Variants in SAMMSON observed in about 807,000 individuals in gnomAD.
SAMMSON encodes survival associated mitochondrial melanoma specific oncogenic non-coding RNA.
At chr3:70,187,332 C>T (rs1434046732) in intron 4 of SAMMSON, among the ~76,000 whole-genome samples, 3 of 149,182 alleles carry the variant, frequency 2.0e-5, no homozygotes, top group Non-Finnish European at 4.4e-5. Context: ...TTATCCAGGG[C>T]TTGGTGTTGC....
intron 3 of SAMMSON, among the ~76,000 whole-genome samples, chr3:70,024,320 A>T (rs553229519): frequency 1.3e-5 from 2 of 152,334 alleles, no homozygotes; most frequent in African/African-American, 4.8e-5. Flanking sequence ...GTTTTTACAA[A>T]TCCACTTCTT....
At chr3:70,059,622 G>T (rs1486401758) in intron 3 of SAMMSON, among the ~76,000 whole-genome samples, 1 of 152,104 alleles carries the variant, frequency 6.6e-6, no homozygotes, top group African/African-American at 2.4e-5. Flanking sequence ...CAGGCCCTCA[G>T]TGGATTGGAT....
chr3:70,340,538 A>G lies in SAMMSON; in HGVS notation n.740-13637A>G, dbSNP rs147709517. ...TGTACCTAAATTGTTGGGACAAACA[A>G]TATGATTTATGCTGTATGCCTGCCT... On this transcript the variant is annotated intron_variant and non_coding_transcript_variant, in intron 7 of 9. Transcript: ENST00000642114. Among the ~76,000 whole-genome samples the G allele has an allele frequency of 1.5e-4, 23 of 152,204 alleles. 1 individual carries two copies. The highest frequency in any genetic ancestry group is 4.8e-4 in the African/African-American group (20 of 41,542).
chr3:70,203,881 T>C (rs1032905978), intron 4 of SAMMSON, among the ~76,000 whole-genome samples: 3 of 152,098 alleles, frequency 2.0e-5, no homozygotes, highest in Non-Finnish European at 2.9e-5. Context: ...AATCAGAAGT[T>C]TGCAGAAACA....
chr3:70,015,580 T>C (rs552719266), intron 3 of SAMMSON, among the ~76,000 whole-genome samples: 22 of 152,244 alleles, frequency 1.4e-4, no homozygotes, highest in Middle Eastern at 3.4e-3. Context: ...CTTTGTTTAT[T>C]ATACTTTAAG....
intron 6 of SAMMSON, among the ~76,000 whole-genome samples, chr3:70,256,161 CTT>C (rs1701814091): frequency 6.6e-6 from 1 of 152,160 alleles, no homozygotes; most frequent in South Asian, 2.1e-4. Context: ...ACGAATGACT[CTT>C]TAAGATGGAT....
chr3:70,073,922 A>G (rs185283286), intron 4 of SAMMSON, among the ~76,000 whole-genome samples: 1 of 152,062 alleles, frequency 6.6e-6, no homozygotes, highest in African/African-American at 2.4e-5. Flanking sequence ...TTAGGAATTT[A>G]TAGGAATTTT....
intron 2 of SAMMSON, among the ~76,000 whole-genome samples, chr3:70,424,306 A>G (rs1216310966): frequency 1.3e-5 from 2 of 152,310 alleles, no homozygotes; most frequent in East Asian, 1.9e-4. Flanking sequence ...AATATATTAT[A>G]TTGGGGTTAT....
chr3:70,376,873 T>C (rs917263377), intron 9 of SAMMSON, among the ~76,000 whole-genome samples: 4 of 152,194 alleles, frequency 2.6e-5, no homozygotes, highest in East Asian at 1.9e-4. Flanking sequence ...CATATCATTT[T>C]ATTTCTTTGT....
At chr3:70,279,536 G>A (rs1317240007) in intron 6 of SAMMSON, among the ~76,000 whole-genome samples, 1 of 152,136 alleles carries the variant, frequency 6.6e-6, no homozygotes, top group African/African-American at 2.4e-5. Context: ...CTTGCCAAAT[G>A]TGTCACCCCA....
intron 4 of SAMMSON, among the ~76,000 whole-genome samples, chr3:70,133,867 C>G (rs1453640134): frequency 1.3e-5 from 2 of 151,954 alleles, no homozygotes; most frequent in Non-Finnish European, 2.9e-5. Context: ...GGTAAGAATC[C>G]AGGCTTTGGG....
At position 70,353,956 on chromosome 3, in the gene SAMMSON, T is replaced by C. The variant is rs534802432; in HGVS notation, n.740-219T>C. On this transcript the variant is annotated intron_variant and non_coding_transcript_variant, in intron 7 of 9. Transcript: ENST00000642114. ...AGGGATAAAAGCCAATTTGAAAGGT[T>C]ATCTACTATGTGACTCCATGGATAT... Among the ~76,000 whole-genome samples the C allele has an allele frequency of 2.4e-4, 36 of 152,316 alleles. No individual in the cohort carries two copies. In the South Asian group the frequency reaches 5.6e-3, roughly 24 times the overall value.
intron 6 of SAMMSON, among the ~76,000 whole-genome samples, chr3:70,285,539 G>T (rs1166863556): frequency 2.6e-5 from 4 of 152,062 alleles, no homozygotes; most frequent in East Asian, 1.9e-4. Context: ...TGTCTTTATA[G>T]CAGCATGATT....
At chr3:70,049,085 C>G (rs980640532) in intron 3 of SAMMSON, among the ~76,000 whole-genome samples, 1 of 152,106 alleles carries the variant, frequency 6.6e-6, no homozygotes, top group African/African-American at 2.4e-5. Flanking sequence ...AGAGACATAA[C>G]TCATTTGTTC....
intron 4 of SAMMSON, among the ~76,000 whole-genome samples, chr3:70,218,575 A>G (rs144792420): frequency 1.3e-5 from 2 of 152,224 alleles, no homozygotes; most frequent in Non-Finnish European, 2.9e-5. Context: ...TGGCCTGAGT[A>G]GACTTTTCCT....
chr3:70,015,374 A>C (rs1425641613), intron 3 of SAMMSON: 1 of 152,094 alleles, frequency 6.6e-6, no homozygotes, highest in Non-Finnish European at 1.5e-5. Context: ...TTTTAAAAAA[A>C]GTACTGGATG....
At chr3:70,390,597 C>T (rs1701037161), downstream of SAMMSON, among the ~76,000 whole-genome samples, 1 of 151,928 alleles carries the variant, frequency 6.6e-6, no homozygotes, top group Non-Finnish European at 1.5e-5. Flanking sequence ...ATTTAAATGA[C>T]CAGATCTTGT....
chr3:70,269,685 AT>A (rs1701956181), intron 6 of SAMMSON, among the ~76,000 whole-genome samples: 1 of 152,186 alleles, frequency 6.6e-6, no homozygotes, highest in Non-Finnish European at 1.5e-5. Flanking sequence ...TGTACTAGCT[AT>A]ATTTAATATA....
Position 70,325,849 on chromosome 3 carries a change from G to T in SAMMSON, n.740-28326G>T, listed in dbSNP as rs187982865. Among the ~76,000 whole-genome samples, 656 of 152,190 alleles carry T rather than the reference G, an allele frequency of 4.3e-3. 4 individuals carry two copies. The highest frequency in any genetic ancestry group is 6.5e-3 in the Non-Finnish European group (441 of 68,004). The stretch of plus-strand genomic sequence containing the variant: ...TTGTCTGAACTACCAGGCTACCATT[G>T]CCACCCAGCATAGCCTGGATAGCCC... On this transcript the variant is annotated intron_variant and non_coding_transcript_variant, in intron 7 of 9. Transcript: ENST00000642114.
Sources: allele counts gnomAD v4.1 joint callset (sites outside exome capture counted in the v4.1 genomes callset), GRCh38; gene constraint gnomAD v4.1.1; transcripts MANE v1.5; gene names NCBI Gene and HGNC (gene_info 2026-07-23, HGNC 2026-07-21).